Variants in SLC22A16 observed in about 807,000 individuals in gnomAD.
SLC22A16 encodes WUGSC:RG331P03.1.
In SLC22A16, 53 loss-of-function variants were observed where a neutral mutation model predicts 52.9. The ratio of observed to expected loss-of-function variants is 1.00; its 90% CI spans 0.80 to 1.26. SLC22A16 has a LOEUF of 1.26. SLC22A16 is among the 50% of genes most tolerant of loss of function. The pLI is 0.00. For synonymous variants in SLC22A16, 291 were observed against 268.8 expected, an observed-to-expected ratio of 1.08 and a Z score of -0.81; for missense variants, 726 against 704.0, an observed-to-expected ratio of 1.03 and a Z score of -0.35.
chr6:110,438,501 C>CT lies in SLC22A16; in HGVS notation c.1311+218dup, dbSNP rs1057061269. Among the ~76,000 whole-genome samples the CT allele has an allele frequency of 7.8e-3, 1,143 of 146,940 alleles. 8 individuals are homozygous for CT. Among genetic ancestry groups the CT allele is most frequent in the African/African-American group, 0.023 (935 of 40,130 alleles). ...GTCATTGCACCCAGGTTAGGCTTTT[C>CT]TTTTTTTTTTACATTTTTCTCTTCA... On this transcript the variant is annotated intron_variant, in intron 5 of 7. Transcript: ENST00000368919.
At chr6:110,468,152 TACAA>T (rs1288880803) in intron 1 of SLC22A16, among the ~76,000 whole-genome samples, 3 of 152,216 alleles carry the variant, frequency 2.0e-5, no homozygotes, top group Non-Finnish European at 2.9e-5. Context: ...GAAAGAAAAC[TACAA>T]AGCAAAATGC....
At chr6:110,467,012 C>A (rs1300126980) in intron 1 of SLC22A16, among the ~76,000 whole-genome samples, 1 of 152,032 alleles carries the variant, frequency 6.6e-6, no homozygotes, top group Non-Finnish European at 1.5e-5. Context: ...ATCATCTAGC[C>A]TCTGGAAAAC....
chr6:110,456,267 G>A (rs1227341799), intron 2 of SLC22A16: 1 of 406,900 alleles, frequency 2.5e-6, no homozygotes, highest in Non-Finnish European at 4.4e-6. Flanking sequence ...CCAGCCTATA[G>A]ACAAAGATTC....
In SLC22A16 at chr6:110,453,891, G is replaced by T. The variant is rs1333452643; in HGVS notation, c.533+2647C>A. The stretch of plus-strand genomic sequence containing the variant: ...TTACAACATGGCAGAGAAGGTCAAA[G>T]GTGAAGCAGACACATGTAAAGAGAG... On this transcript the variant is annotated intron_variant, in intron 2 of 7. Coordinates refer to ENST00000368919, the MANE Select transcript of SLC22A16 (RefSeq NM_033125.4). Among the ~76,000 whole-genome samples the T allele has an allele frequency of 2.0e-5, 3 of 152,166 alleles. No individual in the cohort carries two copies. The South Asian group carries it at 6.2e-4, about 31-fold the overall frequency.
intron 1 of SLC22A16, chr6:110,476,255 C>CACCA: frequency 9.6e-7 from 1 of 1,039,758 alleles, no homozygotes; most frequent in Non-Finnish European, 1.3e-6. Flanking sequence ...GGAGAGCACG[C>CACCA]ACCAGGTCCC....
chr6:110,463,514 T>TAAAAAAA (rs386408237), intron 1 of SLC22A16, among the ~76,000 whole-genome samples: 10 of 53,260 alleles, frequency 1.9e-4, no homozygotes, highest in South Asian at 1.3e-3. Flanking sequence ...GTAACAACAG[T>TAAAAAAA]AAAAAAAAAA....
At position 110,446,934 on chromosome 6, in the gene SLC22A16, A is replaced by T. The variant is rs1045354257; in HGVS notation, c.590T>A (p.Ile197Lys). The change falls in exon 3 of 8, where the codon ATA becomes AAA. Residue 197 changes from isoleucine (I) to lysine (K), a missense_variant. By Grantham distance (102) the Ile-to-Lys change is moderately radical. Coordinates refer to ENST00000368919, the MANE Select transcript of SLC22A16 (RefSeq NM_033125.4). Reference protein sequence around the residue: ...ATSSSMFLFGIAAAFAVDYYT... With the variant: ...ATSSSMFLFGKAAAFAVDYYT... ...ATAATCAACTGCAAACGCCGCTGCT[A>T]TTCCAAACAAAAACATGCTACTGCT... 6 of 1,613,950 alleles carry T rather than the reference A, an allele frequency of 3.7e-6. No homozygotes were observed. The highest frequency in any genetic ancestry group is 5.1e-6 in the Non-Finnish European group (6 of 1,179,868).
intron 6 of SLC22A16, among the ~76,000 whole-genome samples, chr6:110,432,020 G>A (rs1774526616): frequency 6.6e-6 from 1 of 152,076 alleles, no homozygotes; most frequent in Non-Finnish European, 1.5e-5. Context: ...ACTTTTTAGA[G>A]TCAAGGAATA....
At chr6:110,431,148 AG>A (rs1232320694) in intron 7 of SLC22A16, 22 bp downstream of exon 7, 1 of 1,599,964 alleles carries the variant, frequency 6.3e-7, no homozygotes, top group African/African-American at 1.3e-5. Flanking sequence ...CCCCTTGGGG[AG>A]GGTCTGCAAA....
At chr6:110,443,420 C>T (rs911870758) in intron 3 of SLC22A16, among the ~76,000 whole-genome samples, 2 of 151,970 alleles carry the variant, frequency 1.3e-5, no homozygotes, top group Non-Finnish European at 2.9e-5. Flanking sequence ...AGGCTTTGAA[C>T]AGACATTTCA....
At position 110,429,552 on chromosome 6, in the gene SLC22A16, C is replaced by T. The variant is rs541044595; in HGVS notation, c.1521+1619G>A. 3.0e-4 allele frequency among the ~76,000 whole-genome samples: 45 copies of T among 152,316 alleles called. No homozygotes were observed. In the South Asian group the frequency reaches 9.1e-3, roughly 31 times the overall value. On this transcript the variant is annotated intron_variant, in intron 7 of 7. Coordinates refer to ENST00000368919, the MANE Select transcript of SLC22A16 (RefSeq NM_033125.4). ...TAGGACAAAGCTAATTTCCAAAAGTCAATCTATTTGATTTAAAATAGCAGG... is the reference window on the plus strand; with the variant it reads ...TAGGACAAAGCTAATTTCCAAAAGTTAATCTATTTGATTTAAAATAGCAGG...
In SLC22A16 at chr6:110,425,086, C is replaced by G. The variant is rs770965288; in HGVS notation, c.1522-1G>C. 1.9e-6 allele frequency: 3 copies of G among 1,613,760 alleles called. No homozygotes were observed. Among genetic ancestry groups the G allele is most frequent in the Non-Finnish European group, 2.5e-6 (3 of 1,179,886 alleles). On this transcript the variant is annotated splice_acceptor_variant, in intron 7 of 7. Transcript: ENST00000368919. LOFTEE classifies it high-confidence loss of function. ...GGAGGGCCATAGTCCCAACAAACAACTAGAAGGAATTAAAAATAATGATAA... is the reference window on the plus strand; with the variant it reads ...GGAGGGCCATAGTCCCAACAAACAAGTAGAAGGAATTAAAAATAATGATAA...
chr6:110,472,496 A>G (rs1858928), intron 1 of SLC22A16, among the ~76,000 whole-genome samples: 25,708 of 151,934 alleles, frequency 0.17, 2,818 homozygotes, highest in African/African-American at 0.3. Flanking sequence ...CTCATATTTT[A>G]TACCCCCAAA....
At chr6:110,452,744 A>G (rs747494031) in intron 2 of SLC22A16, among the ~76,000 whole-genome samples, 1 of 152,210 alleles carries the variant, frequency 6.6e-6, no homozygotes. Context: ...GGTAAACCTT[A>G]TTGTAGAAAC....
intron 7 of SLC22A16, among the ~76,000 whole-genome samples, chr6:110,428,670 C>T (rs1774372304): frequency 6.6e-6 from 1 of 152,234 alleles, no homozygotes; most frequent in African/African-American, 2.4e-5. Context: ...AATCCCAGCA[C>T]TTTGGGAGGC....
intron 1 of SLC22A16, among the ~76,000 whole-genome samples, chr6:110,465,722 A>G (rs1776037654): frequency 6.6e-6 from 1 of 152,204 alleles, no homozygotes; most frequent in Admixed American, 6.5e-5. Flanking sequence ...GCCCAAGGCA[A>G]TCTACAAATT....
rs570864301 is a variant in SLC22A16, at chr6:110,439,645, T to C, written c.1184-798A>G. Among the ~76,000 whole-genome samples, 32 of 152,318 alleles carry C rather than the reference T, an allele frequency of 2.1e-4. No individual in the cohort carries two copies. In the East Asian group the frequency reaches 6.2e-3, roughly 29 times the overall value. On this transcript the variant is annotated intron_variant, in intron 4 of 7. Transcript: ENST00000368919. ...CACTTTAATGAGATGGCACGATGTCTACGTATAAAAATTTAGAAGCAAGAT... is the reference window on the plus strand; with the variant it reads ...CACTTTAATGAGATGGCACGATGTCCACGTATAAAAATTTAGAAGCAAGAT...
intron 6 of SLC22A16, among the ~76,000 whole-genome samples, chr6:110,434,327 G>A (rs1024237160): frequency 2.0e-5 from 3 of 152,070 alleles, no homozygotes; most frequent in African/African-American, 4.8e-5. Context: ...CTTGCACCAG[G>A]TACTTGATCT....
intron 2 of SLC22A16, among the ~76,000 whole-genome samples, chr6:110,452,562 A>C (rs1006945545): frequency 1.3e-5 from 2 of 152,152 alleles, no homozygotes; most frequent in Non-Finnish European, 2.9e-5. Flanking sequence ...AGCTGGGTGC[A>C]GTGGTGCATG....
Sources: allele counts gnomAD v4.1 joint callset (sites outside exome capture counted in the v4.1 genomes callset), GRCh38; gene constraint gnomAD v4.1.1; transcripts MANE v1.5; gene names NCBI Gene and HGNC (gene_info 2026-07-23, HGNC 2026-07-21).